The following CCDC88C variants were observed in gnomAD, a reference collection of about 807,000 sequenced individuals.
CCDC88C encodes coiled-coil and HOOK domain protein 88C, also known as protein Daple.
In CCDC88C, 131 loss-of-function variants were observed where a neutral mutation model predicts 198.8. The ratio of observed to expected loss-of-function variants is 0.66; its 90% CI spans 0.57 to 0.76. CCDC88C has a LOEUF of 0.76. CCDC88C is among the 30% of genes least tolerant of loss of function. The probability of loss-of-function intolerance (pLI) is 0.00; values close to 1 mark genes in which losing one functional copy is unlikely to be tolerated. For synonymous variants in CCDC88C, 1,166 were observed against 1,114.7 expected, an observed-to-expected ratio of 1.05 and a Z score of -0.92; for missense variants, 2,553 against 2,631.6, an observed-to-expected ratio of 0.97 and a Z score of 0.65.
rs565671198 is a variant in CCDC88C at position 91,325,282 on chromosome 14, G to C, written c.1198-359C>G. On this transcript the variant is annotated intron_variant, in intron 11 of 29. Transcript: ENST00000389857. The surrounding 1 kb of genome is among the most constrained non-coding windows in gnomAD (Gnocchi z 4.1). Reference sequence around the variant, plus strand: ...AACAGGCCTCTAAAGCTGTTAACAGGCTAACAAATCACAGCTCACCCCACA... The same window carrying C: ...AACAGGCCTCTAAAGCTGTTAACAGCCTAACAAATCACAGCTCACCCCACA... Among the ~76,000 whole-genome samples the C allele has an allele frequency of 4.6e-5, 7 of 152,294 alleles. No homozygotes were observed. The East Asian group carries it at 1.3e-3, about 29-fold the overall frequency.
At chr14:91,366,226 C>A (rs527920875) in intron 3 of CCDC88C, among the ~76,000 whole-genome samples, 1 of 150,892 alleles carries the variant, frequency 6.6e-6, no homozygotes, top group African/African-American at 2.4e-5. Context: ...TGGTTCACGC[C>A]TGTAATCCCA....
At chr14:91,395,950 G>A (rs1343549135) in intron 3 of CCDC88C, among the ~76,000 whole-genome samples, 2 of 152,128 alleles carry the variant, frequency 1.3e-5, no homozygotes, top group Non-Finnish European at 2.9e-5. Flanking sequence ...TACAGAGTGC[G>A]GCCCCTTCAA....
At position 91,313,900 on chromosome 14, in the gene CCDC88C, C is replaced by T. The variant is rs758631118; in HGVS notation, c.1916G>A (p.Arg639Gln). The T allele has an allele frequency of 5.6e-6, 9 of 1,610,556 alleles. No homozygotes were observed. Among genetic ancestry groups the T allele is most frequent in the African/African-American group, 1.3e-5 (1 of 74,742 alleles). ...RAEKLERELQ[R>Q]LQEENGRLAR... ...CAGCCTCCCGTTCTCCTCCTGGAGT[C>T]GCTGTAGCTCCCTCTCCAGCTTCTC... is the stretch of plus-strand genomic sequence containing the variant. The change falls in exon 15 of 30, where the codon CGA (arginine) becomes CAA (glutamine). Residue 639 changes from arginine (R) to glutamine (Q), a missense_variant. Physicochemically the swap from Arg to Gln is conservative, Grantham distance 43 (BLOSUM62 1). This residue lies in a region of CCDC88C where 1,260 missense variants were observed against 1,412.0 expected (regional missense o/e 0.89). Transcript: ENST00000389857. This position sits in a 1 kb window ranked among gnomAD's most constrained non-coding sequence, Gnocchi z 5.2.
intron 3 of CCDC88C, among the ~76,000 whole-genome samples, chr14:91,361,682 A>G (rs1246515617): frequency 1.3e-5 from 2 of 152,180 alleles, no homozygotes; most frequent in African/African-American, 4.8e-5. Context: ...CAGCTGGTAA[A>G]TATCTGTACG....
intron 3 of CCDC88C, among the ~76,000 whole-genome samples, chr14:91,407,859 T>G (rs559386468): frequency 7.1e-4 from 106 of 148,836 alleles, no homozygotes; most frequent in Non-Finnish European, 8.4e-4. Flanking sequence ...CTTGGCTCAC[T>G]GCAACCTCCA....
chr14:91,384,838 T>C (rs1885031282), intron 3 of CCDC88C, among the ~76,000 whole-genome samples: 1 of 151,812 alleles, frequency 6.6e-6, no homozygotes, highest in Non-Finnish European at 1.5e-5. Flanking sequence ...GCCCCAAGGG[T>C]GGATGAAGCC....
chr14:91,288,388 A>C lies in CCDC88C; in HGVS notation c.4441+717T>G, dbSNP rs1476024137. ...TCCTAACCCACCTTTCAAAGTGGTA[A>C]CAGATAAACCACCCAAGGCTTTCGG... On this transcript the variant is annotated intron_variant, in intron 25 of 29. Transcript: ENST00000389857. This position sits in a 1 kb window ranked among gnomAD's most constrained non-coding sequence, Gnocchi z 4.2. Among the ~76,000 whole-genome samples, 1 of 152,212 alleles carries C rather than the reference A, an allele frequency of 6.6e-6. No individual in the cohort carries two copies. The highest frequency in any genetic ancestry group is 1.5e-5 in the Non-Finnish European group (1 of 68,032).
intron 10 of CCDC88C, among the ~76,000 whole-genome samples, chr14:91,332,460 T>G (rs1892877032): frequency 6.6e-6 from 1 of 152,246 alleles, no homozygotes; most frequent in Admixed American, 6.5e-5. Context: ...ACAAACCATG[T>G]ACATTTGTGT....
intron 10 of CCDC88C, among the ~76,000 whole-genome samples, chr14:91,334,715 A>G (rs2139849320): frequency 6.6e-6 from 1 of 152,344 alleles, no homozygotes; most frequent in East Asian, 1.9e-4. Flanking sequence ...ACACGGGCCC[A>G]TCGAAGTCAC....
chr14:91,345,337 C>T (rs1411434274), intron 4 of CCDC88C, among the ~76,000 whole-genome samples: 16 of 151,302 alleles, frequency 1.1e-4, no homozygotes, highest in Non-Finnish European at 4.4e-5. Context: ...GGATTACAGG[C>T]GCTCGCCACC....
intron 3 of CCDC88C, among the ~76,000 whole-genome samples, chr14:91,363,786 A>G (rs1471456055): frequency 6.6e-6 from 1 of 152,222 alleles, no homozygotes; most frequent in Non-Finnish European, 1.5e-5. Context: ...CTGGGCCCCA[A>G]CACCAGGCCT....
In CCDC88C at chr14:91,321,239, T is replaced by C; in HGVS notation, c.1408A>G (p.Lys470Glu). ...GTGCTCTGGAGGCTCTGATTCTCCT[T>C]CTCCAGCTTCAGGATGCGGCTGGAC... ...CASSRILKLE[K>E]ENQSLQSTIQ... The change falls in exon 13 of 30, where the codon AAG (lysine) becomes GAG (glutamate). Residue 470 changes from lysine (K) to glutamate (E), a missense_variant. Coordinates refer to ENST00000389857, the MANE Select transcript of CCDC88C (RefSeq NM_001080414.4). The C allele has an allele frequency of 6.3e-7, 1 of 1,599,598 alleles. No individual in the cohort carries two copies. The highest frequency in any genetic ancestry group is 8.5e-7 in the Non-Finnish European group (1 of 1,172,736).
At chr14:91,347,538 C>G (rs1034948246) in intron 4 of CCDC88C, among the ~76,000 whole-genome samples, 3 of 152,164 alleles carry the variant, frequency 2.0e-5, no homozygotes, top group Admixed American at 2.0e-4. Context: ...TGAACAGACA[C>G]TTCTCAAAAG....
At chr14:91,274,723 C>T (rs1199561203) in intron 29 of CCDC88C, among the ~76,000 whole-genome samples, 2 of 152,200 alleles carry the variant, frequency 1.3e-5, no homozygotes, top group African/African-American at 2.4e-5. Flanking sequence ...ACCTGTGGGG[C>T]CATGTGCTGT....
At chr14:91,285,825 T>A (rs1245610331) in intron 25 of CCDC88C, 1 of 1,287,902 alleles carries the variant, frequency 7.8e-7, no homozygotes, top group Non-Finnish European at 1.0e-6. Context: ...GGACTCTTTT[T>A]GCGCGGAGGT....
At chr14:91,377,408 G>A (rs1317670382) in intron 3 of CCDC88C, among the ~76,000 whole-genome samples, 3 of 152,086 alleles carry the variant, frequency 2.0e-5, no homozygotes, top group Non-Finnish European at 2.9e-5. Flanking sequence ...CGGCAGGCGC[G>A]GTTATTCACT....
intron 2 of CCDC88C, among the ~76,000 whole-genome samples, chr14:91,416,273 A>G (rs1387961560): frequency 6.6e-6 from 1 of 152,222 alleles, no homozygotes; most frequent in Non-Finnish European, 1.5e-5. Flanking sequence ...GGCAACTGAA[A>G]AAGGAAGATG....
At chr14:91,368,418 T>C (rs1194150947) in intron 3 of CCDC88C, among the ~76,000 whole-genome samples, 2 of 152,240 alleles carry the variant, frequency 1.3e-5, no homozygotes, top group African/African-American at 4.8e-5. Context: ...TTTAAAAACA[T>C]TCCAAAGTGA....
rs113150260 is a variant in CCDC88C at position 91,294,027 on chromosome 14, C to A, written c.4112+146G>T. The A allele has an allele frequency of 2.6e-5, 21 of 819,752 alleles. No individual in the cohort carries two copies. The East Asian group carries it at 3.5e-4, about 14-fold the overall frequency. 50.8% of individuals were successfully genotyped at this position (819,752 alleles called of 1,614,324 possible). ...ACATTCCAGGAAACTAAGGGCAGTC[C>A]GTGCTGGTGATCGGTCTGTGCCCTG... On this transcript the variant is annotated intron_variant, in intron 23 of 29. Coordinates refer to ENST00000389857, the MANE Select transcript of CCDC88C (RefSeq NM_001080414.4).
Sources: allele counts gnomAD v4.1 joint callset (sites outside exome capture counted in the v4.1 genomes callset), GRCh38; gene constraint gnomAD v4.1.1; regional missense constraint gnomAD v4.1.1; non-coding constraint Gnocchi (gnomAD v3.1); transcripts MANE v1.5; gene names NCBI Gene and HGNC (gene_info 2026-07-23, HGNC 2026-07-21).